Variants in TTC7A observed in about 807,000 individuals in gnomAD.
The protein encoded by TTC7A is tetratricopeptide repeat protein 7A.
A neutral mutation model predicts 103.7 loss-of-function variants in TTC7A; 110 were observed. The observed-to-expected ratio is 1.06, with a 90% CI of 0.91 to 1.24. TTC7A has a LOEUF of 1.24. Among genes scored for constraint, TTC7A ranks in the 50% most tolerant of loss-of-function variants. The pLI, the probability that TTC7A is intolerant of heterozygous loss-of-function variation, is 0.00. For synonymous variants in TTC7A, 521 were observed against 467.9 expected, an observed-to-expected ratio of 1.11 and a Z score of -1.47; for missense variants, 1,340 against 1,116.3, an observed-to-expected ratio of 1.20 and a Z score of -2.86.
chr2:47,015,855 A>G (rs1311711676), intron 11 of TTC7A, among the ~76,000 whole-genome samples: 1 of 152,198 alleles, frequency 6.6e-6, no homozygotes, highest in Non-Finnish European at 1.5e-5. Context: ...GCTTGTAGAA[A>G]TTGGAAAGAG....
At chr2:46,958,943 C>G (rs140648562) in intron 3 of TTC7A, among the ~76,000 whole-genome samples, 1 of 152,192 alleles carries the variant, frequency 6.6e-6, no homozygotes, top group Non-Finnish European at 1.5e-5. Context: ...ATTCAGCCCC[C>G]CTCCATGCCA....
chr2:46,970,681 G>A (rs973739921), intron 3 of TTC7A, among the ~76,000 whole-genome samples: 2 of 152,206 alleles, frequency 1.3e-5, no homozygotes, highest in Non-Finnish European at 1.5e-5. Flanking sequence ...CCACCTTCCT[G>A]CAAGGTGGAT....
At chr2:46,981,833 C>T (rs1674497632) in intron 5 of TTC7A, among the ~76,000 whole-genome samples, 1 of 152,190 alleles carries the variant, frequency 6.6e-6, no homozygotes, top group Admixed American at 6.5e-5. Flanking sequence ...TTCTCAATTG[C>T]CTGGAAGAGA....
chr2:46,986,441 C>T (rs1675017319), intron 5 of TTC7A, among the ~76,000 whole-genome samples: 1 of 152,038 alleles, frequency 6.6e-6, no homozygotes, highest in Admixed American at 6.5e-5. Context: ...GGAGGAGGTC[C>T]CCTCCCCTCG....
chr2:46,999,497 A>G lies in TTC7A; in HGVS notation c.1065+4298A>G, dbSNP rs147838760. 1.2e-3 allele frequency: 1,192 copies of G among 985,462 alleles called. 11 individuals are homozygous for G. In the African/African-American group the frequency reaches 0.02, roughly 16 times the overall value. 61.0% of individuals were successfully genotyped at this position (985,462 alleles called of 1,614,324 possible). ...CTAATCTTATTCAAGGAGCTACAGC[A>G]TGCGGGACCATGCTCAGCAATGTAA... is the stretch of plus-strand genomic sequence containing the variant. On this transcript the variant is annotated intron_variant, in intron 8 of 19. Transcript: ENST00000319190.
Position 47,075,870 on chromosome 2 carries a change from C to G in TTC7A, c.*1947C>G, listed in dbSNP as rs1280758435. 1 of 152,360 alleles carries G rather than the reference C, an allele frequency of 6.6e-6. No individual in the cohort carries two copies. Among genetic ancestry groups the G allele is most frequent in the Non-Finnish European group, 1.5e-5 (1 of 68,186 alleles). 9.4% of individuals were successfully genotyped at this position (152,360 alleles called of 1,614,324 possible). On this transcript the variant is annotated 3_prime_UTR_variant, in exon 20 of 20. Coordinates refer to ENST00000319190, the MANE Select transcript of TTC7A (RefSeq NM_020458.4). The stretch of plus-strand genomic sequence containing the variant: ...CCTGTCCAGGGCGACCCCTGAAGCC[C>G]CTGCTGCCTCTGGGCATTGCTGGGA...
chr2:46,950,742 A>G (rs1476170231), intron 2 of TTC7A, among the ~76,000 whole-genome samples: 1 of 152,190 alleles, frequency 6.6e-6, no homozygotes, highest in Non-Finnish European at 1.5e-5. Context: ...AAGCATACAC[A>G]AGGTTTCAAA....
rs201427606 is a variant in TTC7A at position 47,023,381 on chromosome 2, G to A, written c.1511-27G>A. ...CGGCACCCTTCAGTGACCCCTGATG[G>A]CTCAGTTTCTGTCCTGTCCCCTGCA... On this transcript the variant is annotated intron_variant, in intron 12 of 19. Coordinates refer to ENST00000319190, the MANE Select transcript of TTC7A (RefSeq NM_020458.4). The A allele has an allele frequency of 3.2e-5, 52 of 1,613,382 alleles. No individual in the cohort carries two copies. In the Admixed American group the frequency reaches 6.0e-4, roughly 19 times the overall value.
chr2:46,967,376 A>T (rs1672953854), intron 3 of TTC7A, among the ~76,000 whole-genome samples: 1 of 152,152 alleles, frequency 6.6e-6, no homozygotes, highest in African/African-American at 2.4e-5. Context: ...ACCTTGCGAA[A>T]CCAAAATTCT....
chr2:46,974,959 T>A lies in TTC7A; in HGVS notation c.518-14T>A, dbSNP rs767785409. 1 of 1,612,132 alleles carries A rather than the reference T, an allele frequency of 6.2e-7. No individual in the cohort carries two copies. Among genetic ancestry groups the A allele is most frequent in the East Asian group, 2.2e-5 (1 of 44,780 alleles). On this transcript the variant is annotated splice_polypyrimidine_tract_variant and intron_variant, in intron 3 of 19. Coordinates refer to ENST00000319190, the MANE Select transcript of TTC7A (RefSeq NM_020458.4). Reference sequence around the variant, plus strand: ...CGAGCAGGACAGGTCTGAGGCACCCTCTTCCTCCCGCAGGCCTCTCTCTGG... The same window carrying A: ...CGAGCAGGACAGGTCTGAGGCACCCACTTCCTCCCGCAGGCCTCTCTCTGG...
chr2:46,920,578 G>C (rs1669051374), intron 2 of TTC7A, among the ~76,000 whole-genome samples: 1 of 151,488 alleles, frequency 6.6e-6, no homozygotes. Context: ...TGATCTGCCT[G>C]CCTCAGCCTC....
intron 8 of TTC7A, chr2:46,999,508 T>C (rs2104416748): frequency 2.4e-5 from 24 of 985,460 alleles, no homozygotes; most frequent in Non-Finnish European, 2.5e-5. Context: ...TGCGGGACCA[T>C]GCTCAGCAAT....
rs543740098 is a variant in TTC7A at position 46,958,547 on chromosome 2, G to C, written c.517+1540G>C. The C allele has an allele frequency of 5.3e-4, 686 of 1,303,416 alleles. 7 individuals are homozygous for C. Among genetic ancestry groups the C allele is most frequent in the Non-Finnish European group, 2.8e-4 (278 of 988,676 alleles). The allele number at this position is 1,303,416 out of a possible 1,614,324, so 80.7% of individuals were successfully genotyped here. The stretch of plus-strand genomic sequence containing the variant: ...AGTCCCGGTGGTCAGAGGTCCTGCA[G>C]GGGAGGTAAGGAGACGGGCGCTGCC... On this transcript the variant is annotated intron_variant, in intron 3 of 19. Transcript: ENST00000319190.
intron 8 of TTC7A, among the ~76,000 whole-genome samples, chr2:47,004,816 G>A (rs943224834): frequency 6.6e-6 from 1 of 152,046 alleles, no homozygotes; most frequent in Non-Finnish European, 1.5e-5. Flanking sequence ...TCCCTGCCCT[G>A]TGGCTGCTTG....
chr2:47,021,534 G>C (rs1679269439), intron 11 of TTC7A, among the ~76,000 whole-genome samples: 3 of 152,240 alleles, frequency 2.0e-5, no homozygotes, highest in Admixed American at 2.0e-4. Flanking sequence ...CAAGGCACAT[G>C]TTCCTGAGGC....
Position 47,074,068 on chromosome 2 carries a change from T to G in TTC7A, c.*145T>G. ...AACGCCTCTGCAGCTGCAGCCCTCG[T>G]TCTCTTGGCTGGGCCAAGAGGGCCT... is the stretch of plus-strand genomic sequence containing the variant. On this transcript the variant is annotated 3_prime_UTR_variant, in exon 20 of 20. Coordinates refer to ENST00000319190, the MANE Select transcript of TTC7A (RefSeq NM_020458.4). 1.6e-6 allele frequency: 1 copy of G among 643,294 alleles called. No homozygotes were observed. The highest frequency in any genetic ancestry group is 2.7e-6 in the Non-Finnish European group (1 of 375,734). The allele number at this position is 643,294 out of a possible 1,614,324, so 39.8% of individuals were successfully genotyped here. A position where few individuals can be genotyped will look rare whatever the true frequency, so the allele number is the denominator to read the frequency against.
At chr2:47,010,452 C>T (rs1460597573) in intron 10 of TTC7A, among the ~76,000 whole-genome samples, 1 of 152,194 alleles carries the variant, frequency 6.6e-6, no homozygotes, top group East Asian at 1.9e-4. Flanking sequence ...TGCTGTTCTT[C>T]TCATTACTGT....
At chr2:46,932,538 C>T (rs1669759616) in intron 2 of TTC7A, among the ~76,000 whole-genome samples, 1 of 151,656 alleles carries the variant, frequency 6.6e-6, no homozygotes, top group East Asian at 1.9e-4. Flanking sequence ...TGTTATTTTA[C>T]ACAACAAAAA....
chr2:46,921,033 G>A (rs758303199), intron 2 of TTC7A, among the ~76,000 whole-genome samples: 3 of 151,288 alleles, frequency 2.0e-5, no homozygotes, highest in Admixed American at 6.6e-5. Context: ...AGCCTGACAG[G>A]GCATCTGTTA....
Sources: gnomAD v4.1 joint callset for allele counts (sites outside exome capture counted in the v4.1 genomes callset) on GRCh38, gnomAD v4.1.1 for gene constraint, MANE v1.5 for transcripts, NCBI Gene and HGNC (gene_info 2026-07-23, HGNC 2026-07-21) for gene names.